The following DOK7 variants were observed in gnomAD, a reference collection of about 807,000 sequenced individuals.
The protein encoded by DOK7 is protein Dok-7.
In DOK7, 32 loss-of-function variants were observed where a neutral mutation model predicts 30.7. That is an observed-to-expected ratio of 1.04 (90% CI 0.79 to 1.40). The LOEUF (loss-of-function observed/expected upper bound fraction) is 1.40. Among genes scored for constraint, DOK7 ranks in the 40% most tolerant of loss-of-function variants. DOK7 has a pLI of 0.00. For synonymous variants in DOK7, 447 were observed against 324.1 expected, an observed-to-expected ratio of 1.38 and a Z score of -4.07; for missense variants, 1,007 against 699.2, an observed-to-expected ratio of 1.44 and a Z score of -4.97.
At position 3,490,302 on chromosome 4, in the gene DOK7, G is replaced by GCCCC. The variant is rs149731759; in HGVS notation, c.772+510_772+513dup. ...ACCTTGCTCATTCATTTCTTCCTCC[G>GCCCC]CCCCCCCGGCTCATTCTTGCCTTAC... is the stretch of plus-strand genomic sequence containing the variant. On this transcript the variant is annotated intron_variant, in intron 6 of 6. Transcript: ENST00000340083. Among the ~76,000 whole-genome samples the GCCCC allele has an allele frequency of 1.2e-3, 59 of 50,720 alleles. 1 individual carries two copies. The highest frequency in any genetic ancestry group is 3.7e-3 in the African/African-American group (43 of 11,598). The allele number at this position is 50,720 out of a possible 152,430, so 33.3% of individuals were successfully genotyped here. A position where few individuals can be genotyped will look rare whatever the true frequency, so the allele number is the denominator to read the frequency against.
chr4:3,472,862 G>T (rs1039221244), intron 2 of DOK7, among the ~76,000 whole-genome samples: 1 of 149,280 alleles, frequency 6.7e-6, no homozygotes, highest in African/African-American at 2.5e-5. Context: ...AAGGCCCATC[G>T]ACCTCCCCTA....
intron 6 of DOK7, among the ~76,000 whole-genome samples, chr4:3,499,494 A>G (rs1729086575): frequency 6.6e-6 from 1 of 152,152 alleles, no homozygotes; most frequent in Non-Finnish European, 1.5e-5. Context: ...CCTGCAGAGG[A>G]GGGGCCGGTG....
rs1728728917 is a variant in DOK7 at position 3,493,927 on chromosome 4, G to A, written c.*426G>A. 2.9e-6 allele frequency: 3 copies of A among 1,028,914 alleles called. No individual in the cohort carries two copies. The highest frequency in any genetic ancestry group is 1.2e-6 in the Non-Finnish European group (1 of 859,368). The allele number at this position is 1,028,914 out of a possible 1,614,324, so 63.7% of individuals were successfully genotyped here. ...TTCTCCCCATCACCTCTCTGGGGCA[G>A]TCACACCACCTGTTAAGCATCAAGC... On this transcript the variant is annotated 3_prime_UTR_variant, in exon 7 of 7. Transcript: ENST00000340083.
Position 3,463,496 on chromosome 4 carries a change from G to A in DOK7, c.55-10G>A, listed in dbSNP as rs886043943. On this transcript the variant is annotated splice_polypyrimidine_tract_variant and intron_variant, in intron 1 of 6. Transcript: ENST00000340083. ...CGGGCGGCGGCTCACGCTCCCCCCT[G>A]TCCCCGCAGTGGAAGAGTAGGTGGC... The A allele has an allele frequency of 3.3e-6, 5 of 1,503,942 alleles. No individual in the cohort carries two copies. The African/African-American group carries it at 5.8e-5, about 18-fold the overall frequency. The allele number at this position is 1,503,942 out of a possible 1,614,324, so 93.2% of individuals were successfully genotyped here.
chr4:3,467,187 A>ACCCC (rs397740016), intron 2 of DOK7, among the ~76,000 whole-genome samples: 3 of 143,224 alleles, frequency 2.1e-5, no homozygotes, highest in Non-Finnish European at 3.1e-5. Flanking sequence ...GTGGGCGGGG[A>ACCCC]CCCCCCCCAC....
At chr4:3,490,473 C>CCCCCCACCG in intron 6 of DOK7, among the ~76,000 whole-genome samples, 2 of 126,864 alleles carry the variant, frequency 1.6e-5, no homozygotes, top group African/African-American at 5.9e-5. Context: ...CTTTCTTCTC[C>CCCCCCACCG]CTCTGCTCAT....
At position 3,492,651 on chromosome 4, in the gene DOK7, G is replaced by A. The variant is rs1395081610; in HGVS notation, c.773-108G>A. The A allele has an allele frequency of 4.0e-6, 6 of 1,490,908 alleles. No homozygotes were observed. In the African/African-American group the frequency reaches 5.5e-5, roughly 14 times the overall value. 92.4% of individuals were successfully genotyped at this position (1,490,908 alleles called of 1,614,324 possible). On this transcript the variant is annotated intron_variant, in intron 6 of 6. Transcript: ENST00000340083. ...CCGGGGCTTGGGGGCTGGAAGGGGT[G>A]GGGCGAGACCAGAGAGTGCTGGCCT...
intron 2 of DOK7, among the ~76,000 whole-genome samples, chr4:3,464,237 C>G (rs572336279): frequency 6.6e-6 from 1 of 152,196 alleles, no homozygotes; most frequent in Non-Finnish European, 1.5e-5. Context: ...GTGGGATGCT[C>G]GGCCTGTGTG....
chr4:3,500,870 G>T, exon 8 of DOK7: 1 of 1,481,358 alleles, frequency 6.8e-7, no homozygotes, highest in Non-Finnish European at 8.9e-7. Flanking sequence ...GCGCTGTGCG[G>T]CCCCGTGGCC....
At chr4:3,485,429 G>A (rs1727709043) in intron 4 of DOK7, 110 bp from the exon 5 acceptor site, 10 of 1,355,154 alleles carry the variant, frequency 7.4e-6, no homozygotes, top group Non-Finnish European at 9.7e-6. Flanking sequence ...CAGGCAGGGT[G>A]TCATTGTCGG....
rs59932476 is a variant in DOK7, at chr4:3,489,777, G to T, written c.753G>T (p.Ala251=). ...LEKRLSLLSH[A]GRPGSGGDDR... ...AGCGGCTGAGCCTCCTCTCACATGCGGGCAGGCCGGGCAGTGGAGGTAGGG... is the reference window on the plus strand; with the variant it reads ...AGCGGCTGAGCCTCCTCTCACATGCTGGCAGGCCGGGCAGTGGAGGTAGGG... Residue 251 remains alanine, a synonymous_variant, in exon 6 of 7, where the codon GCG becomes GCT. Coordinates refer to ENST00000340083, the MANE Select transcript of DOK7 (RefSeq NM_173660.5). 1.9e-6 allele frequency: 3 copies of T among 1,572,812 alleles called. No homozygotes were observed. The highest frequency in any genetic ancestry group is 1.2e-5 in the South Asian group (1 of 85,710).
At chr4:3,498,131 G>A (rs1011544846), downstream of DOK7, among the ~76,000 whole-genome samples, 5 of 152,194 alleles carry the variant, frequency 3.3e-5, no homozygotes, top group African/African-American at 9.7e-5. Flanking sequence ...CCAGGGCGGG[G>A]TCTGGGAGGA....
chr4:3,494,037 G>T lies in DOK7; in HGVS notation c.*536G>T. On this transcript the variant is annotated 3_prime_UTR_variant, in exon 7 of 7. Transcript: ENST00000340083. ...CGCTGGGCCTCATCCCCATCTATGG[G>T]AGGAAACTGAAGCTCAGGAGGCTGT... The T allele has an allele frequency of 1.0e-6, 1 of 988,418 alleles. No homozygotes were observed. The highest frequency in any genetic ancestry group is 1.2e-6 in the Non-Finnish European group (1 of 832,160). The allele number at this position is 988,418 out of a possible 1,614,324, so 61.2% of individuals were successfully genotyped here.
downstream of DOK7, among the ~76,000 whole-genome samples, chr4:3,495,089 G>C (rs1316599738): frequency 1.3e-5 from 2 of 152,116 alleles, no homozygotes; most frequent in African/African-American, 2.4e-5. Flanking sequence ...TGCTGGCTGG[G>C]TGACCCTACA....
chr4:3,491,183 TCCCCC>T (rs571945940), intron 6 of DOK7, among the ~76,000 whole-genome samples: 1 of 12,840 alleles, frequency 7.8e-5, no homozygotes, highest in Non-Finnish European at 1.5e-4. Context: ...ATTCATTCCT[TCCCCC>T]CTGCTCATTC....
At chr4:3,491,268 T>C (rs1728402582) in intron 6 of DOK7, among the ~76,000 whole-genome samples, 1 of 86,966 alleles carries the variant, frequency 1.1e-5, no homozygotes, top group Non-Finnish European at 2.2e-5. Flanking sequence ...CATTCATTCC[T>C]TCATTCATTC....
At chr4:3,475,358 T>C (rs1329756081) in intron 3 of DOK7, among the ~76,000 whole-genome samples, 1 of 152,070 alleles carries the variant, frequency 6.6e-6, no homozygotes, top group African/African-American at 2.4e-5. Flanking sequence ...GGCCACAGCT[T>C]GGAGCAGGTA....
At chr4:3,486,624 C>T (rs910361702) in intron 5 of DOK7, among the ~76,000 whole-genome samples, 6 of 152,204 alleles carry the variant, frequency 3.9e-5, no homozygotes, top group South Asian at 2.1e-4. Flanking sequence ...CTATGGCCAG[C>T]GCCCTCCCCG....
intron 4 of DOK7, among the ~76,000 whole-genome samples, chr4:3,480,283 G>A (rs1379255884): frequency 6.6e-6 from 1 of 152,170 alleles, no homozygotes; most frequent in African/African-American, 2.4e-5. Flanking sequence ...GCCGCCCGGA[G>A]CATTTGAAAC....
Sources: gnomAD v4.1 joint callset for allele counts (sites outside exome capture counted in the v4.1 genomes callset) on GRCh38, gnomAD v4.1.1 for gene constraint, MANE v1.5 for transcripts, NCBI Gene and HGNC (gene_info 2026-07-23, HGNC 2026-07-21) for gene names.